Variants in ARHGEF33 observed in about 807,000 individuals in gnomAD.
The protein encoded by ARHGEF33 is Rho guanine nucleotide exchange factor 33.
Under a neutral mutation model 101.9 loss-of-function variants are expected in ARHGEF33, and 72 were observed. The observed-to-expected ratio is 0.71, with a 90% CI of 0.58 to 0.86. The LOEUF is 0.86. Among genes scored for constraint, ARHGEF33 ranks in the 40% least tolerant of loss-of-function variants. ARHGEF33 has a pLI of 0.00. For missense variants in ARHGEF33, 1,169 were observed against 1,111.3 expected (o/e 1.05, Z -0.74); for synonymous variants, 499 against 442.5 (o/e 1.13, Z -1.60).
intron 2 of ARHGEF33, among the ~76,000 whole-genome samples, chr2:38,902,889 C>T (rs910688174): frequency 6.6e-6 from 1 of 152,044 alleles, no homozygotes; most frequent in Admixed American, 6.6e-5. Context: ...GAGGCCAGGA[C>T]TCCTCTCTTA....
intron 1 of ARHGEF33, among the ~76,000 whole-genome samples, chr2:38,891,641 CTTTG>C (rs1666008076): frequency 6.6e-6 from 1 of 152,188 alleles, no homozygotes; most frequent in African/African-American, 2.4e-5. Flanking sequence ...CAATATTTCT[CTTTG>C]TTTGGATTTT....
chr2:38,956,108 T>A (rs1243432259), intron 13 of ARHGEF33, among the ~76,000 whole-genome samples: 2 of 152,138 alleles, frequency 1.3e-5, no homozygotes, highest in African/African-American at 4.8e-5. Flanking sequence ...CAGGGCCAAA[T>A]AAGTTAACAA....
intron 16 of ARHGEF33, among the ~76,000 whole-genome samples, chr2:38,961,094 T>G (rs1667926268): frequency 6.6e-6 from 1 of 152,156 alleles, no homozygotes. Flanking sequence ...CGTTTCTATG[T>G]TGAGAATATG....
At chr2:38,910,273 T>G (rs896005971) in intron 2 of ARHGEF33, among the ~76,000 whole-genome samples, 3 of 152,182 alleles carry the variant, frequency 2.0e-5, no homozygotes, top group Non-Finnish European at 2.9e-5. Flanking sequence ...TCATTTAGCT[T>G]TTAGAAATTA....
At chr2:38,934,909 C>T (rs576436972) in intron 7 of ARHGEF33, among the ~76,000 whole-genome samples, 11 of 151,910 alleles carry the variant, frequency 7.2e-5, no homozygotes, top group East Asian at 1.9e-4. Context: ...TGAGAAAGTT[C>T]GCTTATGGGT....
intron 16 of ARHGEF33, among the ~76,000 whole-genome samples, chr2:38,962,563 G>A (rs986750917): frequency 3.9e-5 from 6 of 152,096 alleles, no homozygotes; most frequent in Non-Finnish European, 8.8e-5. Context: ...TAAGACATGC[G>A]TCAAGTCAGT....
chr2:38,907,110 C>G (rs1666410286), intron 2 of ARHGEF33, among the ~76,000 whole-genome samples: 1 of 152,094 alleles, frequency 6.6e-6, no homozygotes. Flanking sequence ...GGACCGAGAT[C>G]CCCAGGTAGG....
chr2:38,914,542 C>T (rs1666589553), intron 2 of ARHGEF33, among the ~76,000 whole-genome samples: 1 of 151,856 alleles, frequency 6.6e-6, no homozygotes, highest in East Asian at 1.9e-4. Flanking sequence ...TGGCACACAC[C>T]TATAATCCCA....
At chr2:38,967,930 G>A (rs2124431546) in intron 17 of ARHGEF33, among the ~76,000 whole-genome samples, 1 of 142,298 alleles carries the variant, frequency 7.0e-6, no homozygotes, top group East Asian at 2.1e-4. Context: ...CACAGCTTGA[G>A]CCTATCTTTT....
rs116728462 is a variant in ARHGEF33 at position 38,903,705 on chromosome 2, T to C, written c.-86+7856T>C. 2.1e-3 allele frequency among the ~76,000 whole-genome samples: 321 copies of C among 152,338 alleles called. 1 individual carries two copies. Among genetic ancestry groups the C allele is most frequent in the African/African-American group, 7.2e-3 (301 of 41,582 alleles). On this transcript the variant is annotated intron_variant, in intron 2 of 17. Coordinates refer to ENST00000409978, the MANE Select transcript of ARHGEF33 (RefSeq NM_001145451.5). Reference sequence around the variant, plus strand: ...GACTAAGCTATTGCAGATCATCCTATTTTATGACCCTATAACTCTGCAAAT... The same window carrying C: ...GACTAAGCTATTGCAGATCATCCTACTTTATGACCCTATAACTCTGCAAAT...
intron 12 of ARHGEF33, 111 bp from the exon 13 acceptor site, chr2:38,954,262 G>A: frequency 1.5e-6 from 1 of 669,678 alleles, no homozygotes; most frequent in Non-Finnish European, 2.7e-6. Flanking sequence ...CAATCTCTGG[G>A]AAGAAAATGC....
chr2:38,957,808 C>G (rs539081549), intron 14 of ARHGEF33: 149 of 535,108 alleles, frequency 2.8e-4, no homozygotes, highest in African/African-American at 2.6e-3. Flanking sequence ...CTCCATACCC[C>G]CAACCCCTTC....
chr2:38,968,502 C>G (rs1668098880), intron 17 of ARHGEF33, among the ~76,000 whole-genome samples: 1 of 152,144 alleles, frequency 6.6e-6, no homozygotes, highest in African/African-American at 2.4e-5. Context: ...TCTGTAGCTC[C>G]CCACTGACCT....
At chr2:38,916,369 A>G (rs1268478664) in intron 2 of ARHGEF33, among the ~76,000 whole-genome samples, 1 of 152,232 alleles carries the variant, frequency 6.6e-6, no homozygotes, top group Non-Finnish European at 1.5e-5. Flanking sequence ...TTCTTTTACA[A>G]ATGAAGAACT....
chr2:38,945,358 C>T (rs551004233), intron 10 of ARHGEF33, among the ~76,000 whole-genome samples: 66 of 152,298 alleles, frequency 4.3e-4, no homozygotes, highest in African/African-American at 1.6e-3. Context: ...GACAAACCCA[C>T]GAGTGGCCTA....
chr2:38,962,849 CAAAAAAAAAAA>C (rs386389985), intron 16 of ARHGEF33, among the ~76,000 whole-genome samples: 3 of 56,124 alleles, frequency 5.3e-5, no homozygotes, highest in East Asian at 6.1e-4. Context: ...CCCGTCTCTA[CAAAAAAAAAAA>C]AAAAAAAAAA....
chr2:38,923,304 AAAG>A (rs747747861), intron 4 of ARHGEF33, among the ~76,000 whole-genome samples: 1 of 152,148 alleles, frequency 6.6e-6, no homozygotes, highest in Non-Finnish European at 1.5e-5. Flanking sequence ...CATTTAACCA[AAAG>A]AAGAAGAAGA....
intron 2 of ARHGEF33, among the ~76,000 whole-genome samples, chr2:38,917,549 G>A (rs1311156864): frequency 6.6e-6 from 1 of 151,898 alleles, no homozygotes; most frequent in Non-Finnish European, 1.5e-5. Context: ...TTCCTGTGCG[G>A]CCAGGCATAG....
chr2:38,901,434 G>A (rs775985352), intron 2 of ARHGEF33, among the ~76,000 whole-genome samples: 1 of 152,168 alleles, frequency 6.6e-6, no homozygotes, highest in African/African-American at 2.4e-5. Flanking sequence ...GGATGGGAGC[G>A]CTCCATTCTG....
Sources: allele counts gnomAD v4.1 joint callset (sites outside exome capture counted in the v4.1 genomes callset), GRCh38; gene constraint gnomAD v4.1.1; transcripts MANE v1.5; gene names NCBI Gene and HGNC (gene_info 2026-07-23, HGNC 2026-07-21).